Variants in SH3D19 observed in about 807,000 individuals in gnomAD.
SH3D19 encodes SH3 domain-containing protein 19.
SH3D19 carries 58 observed loss-of-function variants against 112.1 expected under a neutral mutation model. That is an observed-to-expected ratio of 0.52 (90% confidence interval 0.42 to 0.64). The LOEUF is 0.64. SH3D19 is among the 30% of genes least tolerant of loss of function. The probability of loss-of-function intolerance (pLI) is 0.00; values close to 1 mark genes in which losing one functional copy is unlikely to be tolerated. For missense variants in SH3D19, 1,090 were observed against 1,263.4 expected (o/e 0.86, Z 2.08); for synonymous variants, 391 against 448.5 (o/e 0.87, Z 1.62).
intron 1 of SH3D19, among the ~76,000 whole-genome samples, chr4:151,302,298 A>G (rs534951173): frequency 5.9e-5 from 9 of 152,344 alleles, no homozygotes; most frequent in Non-Finnish European, 7.4e-5. Flanking sequence ...CTGTTACACA[A>G]TACTGAGCTC....
At chr4:151,207,146 A>C (rs1765239628) in intron 2 of SH3D19, among the ~76,000 whole-genome samples, 1 of 152,130 alleles carries the variant, frequency 6.6e-6, no homozygotes, top group South Asian at 2.1e-4. Context: ...CTGAGACTGG[A>C]GGCTTGGGAG....
chr4:151,170,258 ACTTTT>A (rs1758816274), intron 7 of SH3D19, among the ~76,000 whole-genome samples: 1 of 152,162 alleles, frequency 6.6e-6, no homozygotes, highest in African/African-American at 2.4e-5. Flanking sequence ...AATATATTTT[ACTTTT>A]CTAACAGAAA....
At chr4:151,319,480 A>G (rs1188619667) in intron 1 of SH3D19, among the ~76,000 whole-genome samples, 2 of 152,246 alleles carry the variant, frequency 1.3e-5, no homozygotes, top group African/African-American at 4.8e-5. Context: ...ATAACAAAAA[A>G]CAGTAAGCTG....
rs538393717 is a variant in SH3D19, at chr4:151,276,678, A to G, written c.112+48563T>C. 2.0e-5 allele frequency among the ~76,000 whole-genome samples: 3 copies of G among 152,304 alleles called. No individual in the cohort carries two copies. In the South Asian group the frequency reaches 6.2e-4, roughly 32 times the overall value. The stretch of plus-strand genomic sequence containing the variant: ...CCACTCTAAAATAAATTTCCTGCAC[A>G]CAAATCTCTGTCTTAGAGTCTGTTT... On this transcript the variant is annotated intron_variant, in intron 1 of 19. Coordinates refer to ENST00000604030, the MANE Select transcript of SH3D19 (RefSeq NM_001378122.1).
intron 3 of SH3D19, among the ~76,000 whole-genome samples, chr4:151,181,469 A>G (rs1760934975): frequency 6.6e-6 from 1 of 152,182 alleles, no homozygotes; most frequent in Non-Finnish European, 1.5e-5. Context: ...TCATATTCAT[A>G]TCATCAACTG....
intron 1 of SH3D19, chr4:151,266,369 AAGTGGTCTTTC>A (rs1580358562): frequency 1.3e-5 from 2 of 152,240 alleles, no homozygotes; most frequent in African/African-American, 4.8e-5. Flanking sequence ...TGTTATAGAA[AAGTGGTCTTTC>A]AGTTTTTGTA....
intron 1 of SH3D19, among the ~76,000 whole-genome samples, chr4:151,243,204 G>C (rs1425515829): frequency 6.6e-6 from 1 of 152,172 alleles, no homozygotes; most frequent in African/African-American, 2.4e-5. Context: ...GGAGCAAATA[G>C]AGCTGCAATA....
chr4:151,171,592 A>T (rs1015226162), intron 7 of SH3D19, among the ~76,000 whole-genome samples: 2 of 152,130 alleles, frequency 1.3e-5, no homozygotes, highest in African/African-American at 4.8e-5. Context: ...TTACACCTAT[A>T]TCCGCATGGT....
chr4:151,126,132 C>T (rs1749266183), intron 19 of SH3D19, among the ~76,000 whole-genome samples: 1 of 152,026 alleles, frequency 6.6e-6, no homozygotes, highest in African/African-American at 2.4e-5. Flanking sequence ...CCATGTTGAC[C>T]AGGCTGGTTT....
At chr4:151,166,414 A>G (rs1049649901) in intron 7 of SH3D19, 1 of 152,196 alleles carries the variant, frequency 6.6e-6, no homozygotes, top group Admixed American at 6.5e-5. Flanking sequence ...TACTTTAAAC[A>G]AAAGCATGGC....
At chr4:151,186,321 T>A (rs1761764728) in intron 3 of SH3D19, among the ~76,000 whole-genome samples, 1 of 152,258 alleles carries the variant, frequency 6.6e-6, no homozygotes, top group African/African-American at 2.4e-5. Flanking sequence ...TTAGCACTTC[T>A]ATCTTGATAT....
chr4:151,307,017 C>CTTTT (rs750863632), intron 1 of SH3D19, among the ~76,000 whole-genome samples: 9 of 122,920 alleles, frequency 7.3e-5, no homozygotes, highest in East Asian at 2.4e-4. Flanking sequence ...ATGATGACTT[C>CTTTT]TTTTTTTTTT....
chr4:151,174,680 C>T lies in SH3D19; in HGVS notation c.1524G>A (p.Glu508=), dbSNP rs183843114. The stretch of plus-strand genomic sequence containing the variant: ...TGATTTTTCACTCACCTAGAACCAT[C>T]TCTGAACCAACAGATTCTTCAGCCA... ...GNLAEESVGS[E]MVLDPFQLPA... is the part of the protein sequence containing the mutation. The change falls in exon 7 of 20, where the codon GAG becomes GAA. Residue 508 remains glutamate (E), a synonymous_variant. Coordinates refer to ENST00000604030, the MANE Select transcript of SH3D19 (RefSeq NM_001378122.1). The T allele has an allele frequency of 6.7e-5, 101 of 1,513,730 alleles. No homozygotes were observed. In the East Asian group the frequency reaches 2.1e-3, roughly 31 times the overall value. 93.8% of individuals were successfully genotyped at this position (1,513,730 alleles called of 1,614,324 possible).
chr4:151,212,870 T>C (rs1049511093), intron 2 of SH3D19, among the ~76,000 whole-genome samples: 4 of 152,226 alleles, frequency 2.6e-5, no homozygotes, highest in African/African-American at 9.7e-5. Flanking sequence ...CCATTGTAGA[T>C]GCCATTAAGA....
intron 1 of SH3D19, among the ~76,000 whole-genome samples, chr4:151,294,193 A>G (rs1162209659): frequency 6.6e-6 from 1 of 152,250 alleles, no homozygotes; most frequent in Non-Finnish European, 1.5e-5. Context: ...ATTTGTTGAA[A>G]AAAATCAATG....
chr4:151,147,618 C>T (rs545324949), intron 11 of SH3D19, among the ~76,000 whole-genome samples: 48 of 152,266 alleles, frequency 3.2e-4, no homozygotes, highest in African/African-American at 9.9e-4. Flanking sequence ...TGTGCCATCA[C>T]GCCTGGGTAA....
At chr4:151,320,700 T>C (rs1008590772) in intron 1 of SH3D19, among the ~76,000 whole-genome samples, 5 of 151,948 alleles carry the variant, frequency 3.3e-5, no homozygotes, top group Non-Finnish European at 4.4e-5. Flanking sequence ...TAAAAAATAA[T>C]AGGCAAAATG....
At chr4:151,289,472 C>T (rs1347589954) in intron 1 of SH3D19, among the ~76,000 whole-genome samples, 1 of 152,050 alleles carries the variant, frequency 6.6e-6, no homozygotes, top group Non-Finnish European at 1.5e-5. Context: ...ATTTGCAAAT[C>T]ATATATGTAA....
chr4:151,180,815 G>A (rs1424153289), intron 3 of SH3D19, among the ~76,000 whole-genome samples: 1 of 151,188 alleles, frequency 6.6e-6, no homozygotes, highest in Non-Finnish European at 1.5e-5. Context: ...CCAGGCTGGA[G>A]TGCAGTGGCG....
Sources: allele counts gnomAD v4.1 joint callset (sites outside exome capture counted in the v4.1 genomes callset), GRCh38; gene constraint gnomAD v4.1.1; transcripts MANE v1.5; gene names NCBI Gene and HGNC (gene_info 2026-07-23, HGNC 2026-07-21).